Variants in MYO15B observed in about 807,000 individuals in gnomAD.
The protein encoded by MYO15B is myosin XVB.
A neutral mutation model predicts 119.3 loss-of-function variants in MYO15B; 207 were observed. The ratio of observed to expected loss-of-function variants is 1.73; its 90% CI spans 1.55 to 1.95. MYO15B has a LOEUF of 1.95. MYO15B is among the 30% of genes most tolerant of loss of function. The pLI is 0.00. For synonymous variants in MYO15B, 966 were observed against 498.9 expected (o/e 1.94, Z -12.48); for missense variants, 2,264 against 1,203.1 (o/e 1.88, Z -13.04).
At chr17:75,614,522 GC>G (rs766114717) in intron 30 of MYO15B, 60 bp from the exon 31 acceptor site, 4 of 584,832 alleles carry the variant, frequency 6.8e-6, no homozygotes, top group South Asian at 6.2e-5. Context: ...TCTACCTCTT[GC>G]CCCAGCCTGG....
chr17:75,621,750 G>C, intron 52 of MYO15B, 180 bp downstream of exon 52: 1 of 602,932 alleles, frequency 1.7e-6, no homozygotes, highest in Non-Finnish European at 3.0e-6. Flanking sequence ...CAAGGGTTGT[G>C]GGTTGTGTGG....
At chr17:75,625,629 CAGCCCCCAGGAAGCACAG>C in exon 61 of MYO15B, 1 of 703,064 alleles carries the variant, frequency 1.4e-6, no homozygotes, top group Non-Finnish European at 2.6e-6. Context: ...TGGAAGGACA[CAGCCCCCAGGAAGCACAG>C]ATCAGCTTCA....
intron 14 of MYO15B, among the ~76,000 whole-genome samples, chr17:75,601,194 C>T (rs1046456643): frequency 2.6e-5 from 4 of 152,170 alleles, no homozygotes; most frequent in Non-Finnish European, 4.4e-5. Context: ...TGAGCCACCG[C>T]GCCCAGCCCA....
intron 28 of MYO15B, 23 bp from the exon 29 acceptor site, chr17:75,613,682 C>T (rs1226747956): frequency 2.9e-6 from 2 of 700,544 alleles, no homozygotes; most frequent in South Asian, 1.5e-5. Context: ...TCACTCTTGC[C>T]CCCGCCCCCC....
Position 75,588,315 on chromosome 17 carries a change from G to C in MYO15B, c.258G>C (p.Pro86=). 7.5e-6 allele frequency: 3 copies of C among 398,368 alleles called. No individual in the cohort carries two copies. In the East Asian group the frequency reaches 1.1e-4, roughly 14 times the overall value. 24.7% of individuals were successfully genotyped at this position (398,368 alleles called of 1,614,324 possible). Residue 86 remains proline (P), a synonymous_variant, in exon 1 of 64, where the codon CCG becomes CCC. Transcript: ENST00000645453. ...GACGCCCAGGGGCTGGGCTGTCCCC[G>C]AAAGCCCAGGAGAGGCAAAGCAACG...
At chr17:75,595,783 T>G (rs2056818884) in intron 12 of MYO15B, among the ~76,000 whole-genome samples, 1 of 151,296 alleles carries the variant, frequency 6.6e-6, no homozygotes. Flanking sequence ...AGAGGGAGAG[T>G]CCCCCAGTCT....
chr17:75,591,656 A>G (rs1404111753), exon 5 of MYO15B: 4 of 702,762 alleles, frequency 5.7e-6, no homozygotes, highest in Non-Finnish European at 1.0e-5. Flanking sequence ...CGCCAAAAAG[A>G]TCATGCAGTT....
At chr17:75,626,781 G>A (rs1290441628) in exon 64 of MYO15B, 1 of 529,270 alleles carries the variant, frequency 1.9e-6, no homozygotes, top group Non-Finnish European at 3.4e-6. Flanking sequence ...CTCCGCCCAG[G>A]CCCCACATTA....
intron 49 of MYO15B, 99 bp from the exon 50 acceptor site, chr17:75,620,932 G>C (rs905093526): frequency 5.7e-6 from 4 of 702,388 alleles, no homozygotes; most frequent in African/African-American, 5.2e-5. Context: ...TTCTGGTCTT[G>C]CTCCTTTGGT....
chr17:75,615,750 C>T (rs973304200), exon 36 of MYO15B: 7 of 700,706 alleles, frequency 1.0e-5, no homozygotes, highest in Middle Eastern at 2.3e-4. Flanking sequence ...GATGCAGCAG[C>T]GGCAGCAGCA....
At chr17:75,616,048 A>G (rs1418976049) in intron 36 of MYO15B, 21 bp from the exon 37 acceptor site, 8 of 578,220 alleles carry the variant, frequency 1.4e-5, no homozygotes, top group African/African-American at 3.8e-5. Flanking sequence ...CTGAGCTGCC[A>G]CTCATTTCTG....
intron 15 of MYO15B, among the ~76,000 whole-genome samples, chr17:75,602,008 C>T (rs887060847): frequency 4.6e-5 from 7 of 152,020 alleles, no homozygotes; most frequent in African/African-American, 1.2e-4. Context: ...CTATGCCTAC[C>T]AAGAAGCTGC....
At chr17:75,590,915 G>A (rs915849406) in exon 3 of MYO15B, 1 of 488,430 alleles carries the variant, frequency 2.0e-6, no homozygotes, top group Non-Finnish European at 3.7e-6. Context: ...AGACCTTTGG[G>A]GGGCCTGTCT....
At chr17:75,601,281 C>T (rs548001522) in intron 14 of MYO15B, among the ~76,000 whole-genome samples, 157 bp from the exon 15 acceptor site, 11 of 152,048 alleles carry the variant, frequency 7.2e-5, no homozygotes, top group Non-Finnish European at 1.3e-4. Flanking sequence ...TCAAACGATC[C>T]GACCACCTCG....
At position 75,589,373 on chromosome 17, in the gene MYO15B, A is replaced by T; in HGVS notation, c.1316A>T (p.Asp439Val). The T allele has an allele frequency of 2.8e-6, 1 of 361,024 alleles. No homozygotes were observed. Among genetic ancestry groups the T allele is most frequent in the African/African-American group, 2.4e-5 (1 of 42,514 alleles). The allele number at this position is 361,024 out of a possible 1,614,324, so 22.4% of individuals were successfully genotyped here. Residue 439 changes from aspartate (D) to valine (V), a missense_variant, in exon 1 of 64, where the codon GAC becomes GTC. Coordinates refer to ENST00000645453, the Ensembl canonical transcript of MYO15B. The surrounding 1 kb of genome is among the most constrained non-coding windows in gnomAD (Gnocchi z 4.2). ...GAAGGGCGGGGCCACGAGCGAGGGGACGAGGGTCGGGGCCGCGGGAAAGCG... is the reference window on the plus strand; with the variant it reads ...GAAGGGCGGGGCCACGAGCGAGGGGTCGAGGGTCGGGGCCGCGGGAAAGCG...
At chr17:75,611,624 G>T in exon 24 of MYO15B, 1 of 702,788 alleles carries the variant, frequency 1.4e-6, no homozygotes, top group Non-Finnish European at 2.6e-6. Context: ...TGGAGATCCC[G>T]GCTGAGCTGG....
At chr17:75,610,597 TC>T (rs1214165607) in intron 22 of MYO15B, 3 of 539,730 alleles carry the variant, frequency 5.6e-6, no homozygotes, top group Non-Finnish European at 9.9e-6. Context: ...GACTCAAAGG[TC>T]AATGCCCACG....
chr17:75,625,164 C>A, exon 60 of MYO15B: 1 of 702,384 alleles, frequency 1.4e-6, no homozygotes, highest in Non-Finnish European at 2.6e-6. Flanking sequence ...CAGTCAGCGC[C>A]AAGGCAGACG....
Position 75,603,079 on chromosome 17 carries a change from T to G in MYO15B, c.3891+2T>G, listed in dbSNP as rs1482762209. 1 of 703,242 alleles carries G rather than the reference T, an allele frequency of 1.4e-6. No individual in the cohort carries two copies. The highest frequency in any genetic ancestry group is 1.5e-5 in the South Asian group (1 of 67,602). 43.6% of individuals were successfully genotyped at this position (703,242 alleles called of 1,614,324 possible). On this transcript the variant is annotated splice_donor_variant, in intron 18 of 63. Transcript: ENST00000645453. LOFTEE classifies it high-confidence loss of function. ...TGCCTCACCCCTAACCCTGGAAAGG[T>G]GAGCTCCCCAGCAACTGGCCTCAGG...
Sources: gnomAD v4.1 joint callset for allele counts (sites outside exome capture counted in the v4.1 genomes callset) on GRCh38, gnomAD v4.1.1 for gene constraint, Gnocchi (gnomAD v3.1) non-coding constraint, MANE v1.5 for transcripts, NCBI Gene and HGNC (gene_info 2026-07-23, HGNC 2026-07-21) for gene names.